The following BTAF1 variants were observed in gnomAD, a reference collection of about 807,000 sequenced individuals.
BTAF1 encodes B-TFIID TATA-box binding protein associated factor 1.
A neutral mutation model predicts 227.1 loss-of-function variants in BTAF1; 38 were observed. The ratio of observed to expected loss-of-function variants is 0.17; its 90% CI spans 0.13 to 0.22. The LOEUF (loss-of-function observed/expected upper bound fraction) is 0.22, where lower values mean the gene tolerates loss of function less well. BTAF1 is among the 10% of genes least tolerant of loss of function. The pLI is 1.00. For synonymous variants in BTAF1, 742 were observed against 751.9 expected, an observed-to-expected ratio of 0.99 and a Z score of 0.21; for missense variants, 1,598 against 2,204.0, an observed-to-expected ratio of 0.73 and a Z score of 5.51.
At chr10:91,929,881 G>A (rs560089916) in intron 1 of BTAF1, among the ~76,000 whole-genome samples, 5 of 152,154 alleles carry the variant, frequency 3.3e-5, no homozygotes, top group Admixed American at 1.3e-4. Flanking sequence ...TCCATTATAA[G>A]ATGACAGAAG....
intron 1 of BTAF1, among the ~76,000 whole-genome samples, chr10:91,929,327 G>C (rs1036336484): frequency 9.2e-5 from 14 of 152,194 alleles, no homozygotes; most frequent in Non-Finnish European, 2.1e-4. Flanking sequence ...GATCTGTGCT[G>C]TAAAGGTCAT....
intron 4 of BTAF1, among the ~76,000 whole-genome samples, chr10:91,944,144 C>A (rs1202211410): frequency 7.8e-6 from 1 of 128,696 alleles, no homozygotes; most frequent in Non-Finnish European, 1.6e-5. Flanking sequence ...AAGAGTGAAA[C>A]TCTGTCTCCA....
At chr10:91,993,002 A>G (rs1311207702) in intron 21 of BTAF1, among the ~76,000 whole-genome samples, 1 of 152,248 alleles carries the variant, frequency 6.6e-6, no homozygotes, top group Non-Finnish European at 1.5e-5. Context: ...CATCAATACT[A>G]AAAGACATGT....
chr10:91,925,512 A>C (rs1197653608), intron 1 of BTAF1, among the ~76,000 whole-genome samples: 10 of 76,440 alleles, frequency 1.3e-4, no homozygotes, highest in Non-Finnish European at 3.0e-4. Flanking sequence ...GGCAACGCTA[A>C]TCTCTTTTTT....
At chr10:91,960,610 T>C (rs1270469563) in intron 11 of BTAF1, among the ~76,000 whole-genome samples, 3 of 151,960 alleles carry the variant, frequency 2.0e-5, no homozygotes, top group Admixed American at 2.0e-4. Context: ...TTTTAATCCT[T>C]TATGACAAAG....
At chr10:91,988,040 T>C (rs1848522170) in intron 19 of BTAF1, among the ~76,000 whole-genome samples, 1 of 152,212 alleles carries the variant, frequency 6.6e-6, no homozygotes, top group Non-Finnish European at 1.5e-5. Context: ...CTATAATCCC[T>C]GATTGGCCTG....
intron 20 of BTAF1, among the ~76,000 whole-genome samples, chr10:91,991,793 G>GTATATATATATATA (rs1307734990): frequency 8.4e-5 from 7 of 83,426 alleles, no homozygotes; most frequent in African/African-American, 2.2e-4. Context: ...GTGTGTGTGT[G>GTATATATATATATA]TGTGTATATA....
chr10:91,923,927 C>T lies in BTAF1; in HGVS notation c.-150C>T. On this transcript the variant is annotated 5_prime_UTR_variant, in exon 1 of 38. Coordinates refer to ENST00000265990, the MANE Select transcript of BTAF1 (RefSeq NM_003972.3). Reference sequence around the variant, plus strand: ...CTCGGGTAGGCGGCAGGGCAGATGCCCGAGGGCCTGCGCTGGAACGCCCCA... The same window carrying T: ...CTCGGGTAGGCGGCAGGGCAGATGCTCGAGGGCCTGCGCTGGAACGCCCCA... 1 of 987,160 alleles carries T rather than the reference C, an allele frequency of 1.0e-6. No individual in the cohort carries two copies. The highest frequency in any genetic ancestry group is 3.4e-4 in the Middle Eastern group (1 of 2,968). 61.2% of individuals were successfully genotyped at this position (987,160 alleles called of 1,614,324 possible). A position where few individuals can be genotyped will look rare whatever the true frequency, so the allele number is the denominator to read the frequency against.
At chr10:91,954,550 G>A (rs1453316285) in intron 6 of BTAF1, among the ~76,000 whole-genome samples, 1 of 151,498 alleles carries the variant, frequency 6.6e-6, no homozygotes, top group South Asian at 2.1e-4. Flanking sequence ...AAAAAAAAAT[G>A]CTGTTTTTTT....
At chr10:92,002,338 T>C (rs1368702818) in intron 25 of BTAF1, among the ~76,000 whole-genome samples, 1 of 152,198 alleles carries the variant, frequency 6.6e-6, no homozygotes, top group East Asian at 1.9e-4. Flanking sequence ...TGTCAACCAG[T>C]GATTTTTATA....
intron 1 of BTAF1, among the ~76,000 whole-genome samples, chr10:91,927,936 CCAGTGTTTTT>C (rs1442905938): frequency 6.7e-6 from 1 of 148,906 alleles, no homozygotes; most frequent in African/African-American, 2.5e-5. Flanking sequence ...TAGACTATTT[CCAGTGTTTTT>C]CAGTGAGTAC....
chr10:91,983,147 C>T (rs1034554471), intron 18 of BTAF1, among the ~76,000 whole-genome samples: 2 of 152,220 alleles, frequency 1.3e-5, no homozygotes, highest in Non-Finnish European at 2.9e-5. Flanking sequence ...GAGTATTAGA[C>T]ATCCATCTGT....
intron 14 of BTAF1, among the ~76,000 whole-genome samples, chr10:91,979,772 T>C (rs538481997): frequency 1.3e-5 from 2 of 152,310 alleles, no homozygotes; most frequent in East Asian, 3.9e-4. Context: ...ATTTGGTTGC[T>C]TGATTTGGGT....
In BTAF1 at chr10:92,029,476, A is replaced by G. The variant is rs1482032897; in HGVS notation, c.*543A>G. The G allele has an allele frequency of 2.0e-5, 3 of 152,376 alleles. No individual in the cohort carries two copies. Among genetic ancestry groups the G allele is most frequent in the Non-Finnish European group, 4.4e-5 (3 of 67,928 alleles). 9.4% of individuals were successfully genotyped at this position (152,376 alleles called of 1,614,324 possible). ...GGGCCCTTGGTGGAAACATTTATAT[A>G]TTTAATGCAGATGCATAGTGTTTTT... On this transcript the variant is annotated 3_prime_UTR_variant, in exon 38 of 38. Coordinates refer to ENST00000265990, the MANE Select transcript of BTAF1 (RefSeq NM_003972.3).
chr10:92,028,856 A>G lies in BTAF1; in HGVS notation c.5473A>G (p.Asn1825Asp). The change falls in exon 38 of 38, where the codon AAC (asparagine) becomes GAC (aspartate). Residue 1825 changes from asparagine to aspartate, a missense_variant. By Grantham distance (23) the Asn-to-Asp change is conservative. Transcript: ENST00000265990. Reference protein sequence around the residue: ...GKASMKSILENLSDLWDQEQY... With the variant: ...GKASMKSILEDLSDLWDQEQY... ...AGCAAGTATGAAATCAATTCTTGAA[A>G]ACCTGAGTGATCTTTGGGATCAAGA... is the stretch of plus-strand genomic sequence containing the variant. 3 of 1,610,150 alleles carry G rather than the reference A, an allele frequency of 1.9e-6. No individual in the cohort carries two copies. Among genetic ancestry groups the G allele is most frequent in the Non-Finnish European group, 2.5e-6 (3 of 1,178,468 alleles).
At chr10:92,028,712 T>C in intron 37 of BTAF1, 78 bp from the exon 38 acceptor site, 1 of 1,361,822 alleles carries the variant, frequency 7.3e-7, no homozygotes, top group Non-Finnish European at 1.0e-6. Context: ...TAGAAACAAG[T>C]GTGATTTTAA....
At chr10:91,978,700 G>A (rs1285191885) in intron 14 of BTAF1, among the ~76,000 whole-genome samples, 4 of 151,638 alleles carry the variant, frequency 2.6e-5, no homozygotes, top group South Asian at 2.1e-4. Flanking sequence ...GAGCTAGTTA[G>A]TAGAATTTCT....
chr10:91,967,394 C>A (rs1846991740), intron 14 of BTAF1, among the ~76,000 whole-genome samples: 1 of 152,042 alleles, frequency 6.6e-6, no homozygotes, highest in East Asian at 1.9e-4. Flanking sequence ...AAACAAAGTA[C>A]CTAGATTTAG....
chr10:92,018,680 GC>G (rs1460594291), intron 33 of BTAF1, 102 bp from the exon 34 acceptor site: 1 of 1,040,576 alleles, frequency 9.6e-7, no homozygotes, highest in Non-Finnish European at 1.3e-6. Flanking sequence ...AGGGAGAAAG[GC>G]ATTCTAAACA....
Sources: allele counts gnomAD v4.1 joint callset (sites outside exome capture counted in the v4.1 genomes callset), GRCh38; gene constraint gnomAD v4.1.1; transcripts MANE v1.5; gene names NCBI Gene and HGNC (gene_info 2026-07-23, HGNC 2026-07-21).